The following ANKRD36C variants were observed in gnomAD, a reference collection of about 807,000 sequenced individuals.
The protein encoded by ANKRD36C is ankyrin repeat domain 36C, also known as ankyrin repeat domain-containing protein 36C.
In ANKRD36C, 61 loss-of-function variants were observed where a neutral mutation model predicts 276.4. The observed-to-expected ratio is 0.22, with a 90% CI of 0.18 to 0.27. The LOEUF (loss-of-function observed/expected upper bound fraction) is 0.27. Among genes scored for constraint, ANKRD36C ranks in the 10% least tolerant of loss-of-function variants. ANKRD36C has a pLI of 1.00. For missense variants in ANKRD36C, 1,447 were observed against 2,032.3 expected (o/e 0.71, Z 5.54); for synonymous variants, 483 against 680.1 (o/e 0.71, Z 4.51).
At position 95,976,367 on chromosome 2, in the gene ANKRD36C, G is replaced by A. The variant is rs1056282450; in HGVS notation, c.799+1755C>T. Among the ~76,000 whole-genome samples, 13 of 152,214 alleles carry A rather than the reference G, an allele frequency of 8.5e-5. No individual in the cohort carries two copies. In the East Asian group the frequency reaches 1.4e-3, roughly 16 times the overall value. ...CTTCTGATTGAAACTTGAAACTCTC[G>A]AAATGCGGCTGTGTTATGATTCCAT... On this transcript the variant is annotated intron_variant, in intron 6 of 66. Transcript: ENST00000456556.
At chr2:95,920,573 T>C (rs1476711067) in intron 34 of ANKRD36C, among the ~76,000 whole-genome samples, 1 of 132,622 alleles carries the variant, frequency 7.5e-6, no homozygotes, top group Non-Finnish European at 1.7e-5. Context: ...TTCTTCATCA[T>C]GTCATGGCAC....
intron 42 of ANKRD36C, among the ~76,000 whole-genome samples, chr2:95,902,177 T>G (rs1352198362): frequency 1.3e-5 from 2 of 149,854 alleles, no homozygotes; most frequent in African/African-American, 4.9e-5. Context: ...ATCTCATTTT[T>G]ATAACTAAAA....
rs1352961884 is a variant in ANKRD36C at position 95,869,688 on chromosome 2, G to A, written c.3541-2107C>T. On this transcript the variant is annotated intron_variant, in intron 59 of 66. Transcript: ENST00000456556. Reference sequence around the variant, plus strand: ...GGACAGTGGGTGCAGTGCACCGTGCGTGACCCAAAGGAGGGTGAGGCATTG... The same window carrying A: ...GGACAGTGGGTGCAGTGCACCGTGCATGACCCAAAGGAGGGTGAGGCATTG... 8.5e-5 allele frequency among the ~76,000 whole-genome samples: 13 copies of A among 152,356 alleles called. No individual in the cohort carries two copies. In the East Asian group the frequency reaches 9.6e-4, roughly 11 times the overall value.
intron 34 of ANKRD36C, among the ~76,000 whole-genome samples, chr2:95,918,355 A>G (rs1459010406): frequency 1.3e-5 from 2 of 151,714 alleles, no homozygotes; most frequent in East Asian, 3.9e-4. Context: ...AAATCGGAGG[A>G]GCAACTCATA....
chr2:95,915,966 T>C lies in ANKRD36C; in HGVS notation c.2449+14A>G. ...TGGACTGAACATGACATTAAATGTG[T>C]TTTGCAAAATTACCTGTCCTAGATA... On this transcript the variant is annotated intron_variant, in intron 38 of 66. Coordinates refer to ENST00000456556, the Ensembl canonical transcript of ANKRD36C. 1.3e-6 allele frequency: 2 copies of C among 1,544,304 alleles called. No individual in the cohort carries two copies. Among genetic ancestry groups the C allele is most frequent in the African/African-American group, 1.4e-5 (1 of 72,942 alleles).
intron 19 of ANKRD36C, among the ~76,000 whole-genome samples, chr2:95,944,235 C>T (rs1407859540): frequency 2.0e-5 from 3 of 152,140 alleles, no homozygotes; most frequent in African/African-American, 7.2e-5. Flanking sequence ...CACTCTTATT[C>T]AACTCTGTAT....
At chr2:95,862,237 T>C (rs1675603478) in intron 60 of ANKRD36C, among the ~76,000 whole-genome samples, 1 of 151,990 alleles carries the variant, frequency 6.6e-6, no homozygotes, top group African/African-American at 2.4e-5. Context: ...GCTTTCCAAG[T>C]ACCCACGGAA....
intron 42 of ANKRD36C, 76 bp downstream of exon 44, chr2:95,912,168 C>G: frequency 1.3e-6 from 2 of 1,524,682 alleles, no homozygotes; most frequent in Non-Finnish European, 8.8e-7. Context: ...TTCGACCAGC[C>G]CCCCACTGAT....
chr2:95,953,655 T>C lies in ANKRD36C; in HGVS notation c.1203+284A>G, dbSNP rs200393056. On this transcript the variant is annotated intron_variant, in intron 14 of 66. Transcript: ENST00000456556. ...AGACCAAAATTTGTATATCCTCTACTGTGGGAAAGCATTCCCGAACATCAT... is the reference window on the plus strand; with the variant it reads ...AGACCAAAATTTGTATATCCTCTACCGTGGGAAAGCATTCCCGAACATCAT... 1.2e-3 allele frequency among the ~76,000 whole-genome samples: 183 copies of C among 152,170 alleles called. No individual in the cohort carries two copies. The East Asian group carries it at 0.032, about 27-fold the overall frequency.
chr2:95,986,952 A>C, intron 2 of ANKRD36C, 28 bp from the exon 3 acceptor site: 1 of 1,613,426 alleles, frequency 6.2e-7, no homozygotes, highest in Non-Finnish European at 8.5e-7. Flanking sequence ...AGAAACATGC[A>C]AATATTGAAA....
In ANKRD36C at chr2:95,903,045, T is replaced by G; in HGVS notation, c.2654-3709A>C. On this transcript the variant is annotated intron_variant, in intron 42 of 66. Coordinates refer to ENST00000456556, the Ensembl canonical transcript of ANKRD36C. ...ACTAGTTCACAATATAAATGACAGT[T>G]TCATTACCTTCAAGCCTGGTGGTTG... 5 of 1,569,994 alleles carry G rather than the reference T, an allele frequency of 3.2e-6. No individual in the cohort carries two copies. Among genetic ancestry groups the G allele is most frequent in the Non-Finnish European group, 4.3e-6 (5 of 1,156,452 alleles).
intron 44 of ANKRD36C, among the ~76,000 whole-genome samples, chr2:95,892,930 TC>T (rs1188519571): frequency 1.3e-5 from 2 of 151,114 alleles, no homozygotes; most frequent in Admixed American, 6.6e-5. Flanking sequence ...ATTGTTTCCT[TC>T]TTCCAGCAGT....
chr2:95,897,578 T>A (rs1676591385), intron 44 of ANKRD36C, 113 bp from the exon 59 acceptor site: 6 of 1,349,224 alleles, frequency 4.4e-6, no homozygotes, highest in Non-Finnish European at 6.1e-6. Context: ...TAGCGTAGGC[T>A]TTGATGGCTT....
intron 44 of ANKRD36C, among the ~76,000 whole-genome samples, chr2:95,892,635 A>T (rs1361201295): frequency 6.6e-6 from 1 of 151,560 alleles, no homozygotes. Flanking sequence ...TTCATTCAGA[A>T]ATCACTGCAA....
downstream of ANKRD36C, among the ~76,000 whole-genome samples, chr2:95,850,595 T>C (rs1675272368): frequency 1.3e-5 from 2 of 152,222 alleles, no homozygotes; most frequent in Non-Finnish European, 2.9e-5. Flanking sequence ...GTATGGTAAG[T>C]GGCGAAAGAT....
At chr2:95,915,326 G>A (rs1677060309) in intron 38 of ANKRD36C, among the ~76,000 whole-genome samples, 1 of 151,460 alleles carries the variant, frequency 6.6e-6, no homozygotes, top group South Asian at 2.1e-4. Context: ...GTAACAAAGA[G>A]GAGTAATGAG....
chr2:95,985,501 G>A (rs1440153850), intron 3 of ANKRD36C, among the ~76,000 whole-genome samples: 1 of 152,140 alleles, frequency 6.6e-6, no homozygotes, highest in Non-Finnish European at 1.5e-5. Flanking sequence ...TCTGGCTAGA[G>A]GCACCACCAT....
intron 38 of ANKRD36C, among the ~76,000 whole-genome samples, chr2:95,914,821 T>A (rs1677043663): frequency 6.6e-6 from 1 of 151,564 alleles, no homozygotes; most frequent in Admixed American, 6.6e-5. Context: ...GGAAGTGTCC[T>A]AAATTGATCA....
At chr2:95,866,120 C>T (rs1675678736) in intron 60 of ANKRD36C, among the ~76,000 whole-genome samples, 2 of 152,062 alleles carry the variant, frequency 1.3e-5, no homozygotes, top group African/African-American at 4.8e-5. Context: ...CCTCACCTCA[C>T]TCCATAGACA....
Sources: allele counts gnomAD v4.1 joint callset (sites outside exome capture counted in the v4.1 genomes callset), GRCh38; gene constraint gnomAD v4.1.1; transcripts MANE v1.5; gene names NCBI Gene and HGNC (gene_info 2026-07-23, HGNC 2026-07-21).